FBXO34: variants seen among roughly 807,000 people sequenced by gnomAD.
The protein encoded by FBXO34 is F-box protein 34.
In FBXO34, 12 loss-of-function variants were observed where a neutral mutation model predicts 24.5. The ratio of observed to expected loss-of-function variants is 0.49; its 90% CI spans 0.31 to 0.79. The LOEUF is 0.79. Among genes scored for constraint, FBXO34 ranks in the 30% least tolerant of loss-of-function variants. The pLI is 0.04. For missense variants in FBXO34, 823 were observed against 857.7 expected, an observed-to-expected ratio of 0.96 and a Z score of 0.51; for synonymous variants, 320 against 311.9, an observed-to-expected ratio of 1.03 and a Z score of -0.27.
At chr14:55,314,634 T>A (rs1330878889) in intron 1 of FBXO34, among the ~76,000 whole-genome samples, 1 of 152,218 alleles carries the variant, frequency 6.6e-6, no homozygotes, top group Non-Finnish European at 1.5e-5. Context: ...GATGATAATA[T>A]TAAATTTTGA....
chr14:55,425,927 T>A, the FBXO34 span, among the ~76,000 whole-genome samples: 1 of 152,202 alleles, frequency 6.6e-6, no homozygotes, highest in African/African-American at 2.4e-5. Context: ...GTCACCTAGA[T>A]CTTATTCATA....
chr14:55,293,845 T>TC (rs11392517), intron 1 of FBXO34, among the ~76,000 whole-genome samples: 19 of 152,036 alleles, frequency 1.2e-4, no homozygotes, highest in Admixed American at 1.2e-3. Context: ...TTTTTTTTTT[T>TC]CCTTCCCTAG....
At chr14:55,291,811 A>G (rs563832235) in intron 1 of FBXO34, among the ~76,000 whole-genome samples, 15 of 151,996 alleles carry the variant, frequency 9.9e-5, no homozygotes, top group African/African-American at 2.9e-4. Context: ...TCTTTAGAAA[A>G]AAAATAGCTG....
intron 1 of FBXO34, among the ~76,000 whole-genome samples, chr14:55,316,800 C>T (rs1452733137): frequency 3.3e-5 from 5 of 151,792 alleles, no homozygotes; most frequent in Non-Finnish European, 5.9e-5. Context: ...ACTCAAAGTC[C>T]ACGGCTCTGC....
the FBXO34 span, chr14:55,435,800 A>T: frequency 7.7e-7 from 1 of 1,298,042 alleles, no homozygotes; most frequent in Admixed American, 2.5e-5. Flanking sequence ...AAGAAAAGTA[A>T]ATCTAAAGAG....
the FBXO34 span, chr14:55,380,706 A>G: frequency 1.3e-6 from 2 of 1,539,362 alleles, no homozygotes; most frequent in South Asian, 2.4e-5. Context: ...GTAAGAAAAC[A>G]ACCACCATGT....
intron 1 of FBXO34, among the ~76,000 whole-genome samples, chr14:55,338,304 C>T (rs1883863222): frequency 6.6e-6 from 1 of 151,868 alleles, no homozygotes; most frequent in African/African-American, 2.4e-5. Context: ...CCGCCTCGGC[C>T]TCCCAAAGTG....
At chr14:55,363,116 G>A (rs1179004389), downstream of FBXO34, among the ~76,000 whole-genome samples, 1 of 148,298 alleles carries the variant, frequency 6.7e-6, no homozygotes, top group Non-Finnish European at 1.5e-5. Flanking sequence ...TCTGCCTTCT[G>A]GTTTCAAGCG....
At chr14:55,398,495 A>C in the FBXO34 span, among the ~76,000 whole-genome samples, 2 of 152,156 alleles carry the variant, frequency 1.3e-5, no homozygotes, top group African/African-American at 4.8e-5. Context: ...GAAACTTTTA[A>C]TCTTCCATAA....
chr14:55,395,599 A>G, the FBXO34 span, among the ~76,000 whole-genome samples: 1 of 152,358 alleles, frequency 6.6e-6, no homozygotes, highest in African/African-American at 2.4e-5. Context: ...AAGATTATGT[A>G]AATAGCCACC....
chr14:55,439,278 T>TAAAAA, the FBXO34 span, among the ~76,000 whole-genome samples: 2 of 133,872 alleles, frequency 1.5e-5, no homozygotes, highest in African/African-American at 5.5e-5. Flanking sequence ...TAATTAACTT[T>TAAAAA]AAAAAAAAAA....
intron 1 of FBXO34, among the ~76,000 whole-genome samples, chr14:55,309,635 CA>C (rs1882668816): frequency 6.6e-6 from 1 of 152,118 alleles, no homozygotes; most frequent in African/African-American, 2.4e-5. Context: ...TGGAAGGCTG[CA>C]TTACTTTAAA....
chr14:55,323,384 T>G (rs1883232119), intron 1 of FBXO34, among the ~76,000 whole-genome samples: 1 of 140,248 alleles, frequency 7.1e-6, no homozygotes. Context: ...TTTAAATTTA[T>G]TTATTTTTTA....
intron 1 of FBXO34, among the ~76,000 whole-genome samples, chr14:55,280,231 C>T (rs1465112852): frequency 6.6e-5 from 10 of 151,846 alleles, no homozygotes; most frequent in Non-Finnish European, 1.2e-4. Flanking sequence ...AATGGGAGAA[C>T]CAGAAAAGTT....
At chr14:55,322,044 T>C (rs7153612) in intron 1 of FBXO34, among the ~76,000 whole-genome samples, 59,980 of 151,988 alleles carry the variant, frequency 0.39, 12,110 homozygotes, top group Non-Finnish European at 0.43. Context: ...ATCTTTCAGC[T>C]GGGCGTGGTG....
At chr14:55,328,894 A>G (rs976003333) in intron 1 of FBXO34, among the ~76,000 whole-genome samples, 14 of 152,138 alleles carry the variant, frequency 9.2e-5, no homozygotes, top group African/African-American at 3.1e-4. Flanking sequence ...AGATGTAAGC[A>G]TGTGTGCATT....
chr14:55,363,872 G>GA (rs1566573455), downstream of FBXO34, among the ~76,000 whole-genome samples: 1 of 145,058 alleles, frequency 6.9e-6, no homozygotes, highest in Non-Finnish European at 1.5e-5. Flanking sequence ...ATGCCTCTGC[G>GA]TTTTTTTTTT....
intron 1 of FBXO34, among the ~76,000 whole-genome samples, chr14:55,334,913 G>A (rs1344675942): frequency 6.6e-6 from 1 of 152,162 alleles, no homozygotes; most frequent in Non-Finnish European, 1.5e-5. Flanking sequence ...GAGAAATAAG[G>A]TAGTTTTGTG....
At chr14:55,323,226 T>TATATATATATATATA (rs1491370677) in intron 1 of FBXO34, among the ~76,000 whole-genome samples, 19 of 20,530 alleles carry the variant, frequency 9.3e-4, no homozygotes, top group African/African-American at 8.6e-3. Flanking sequence ...AAAATATATA[T>TATATATATATATATA]TTTTTTTTTT....
Sources: allele counts gnomAD v4.1 joint callset (sites outside exome capture counted in the v4.1 genomes callset), GRCh38; gene constraint gnomAD v4.1.1; transcripts MANE v1.5; gene names NCBI Gene and HGNC (gene_info 2026-07-23, HGNC 2026-07-21).